Variants in TET2 observed in about 807,000 individuals in gnomAD.
The protein encoded by TET2 is methylcytosine dioxygenase TET2.
A neutral mutation model predicts 142.9 loss-of-function variants in TET2; 299 were observed. That is an observed-to-expected ratio of 2.09 (90% CI 1.90 to 2.30). TET2 has a LOEUF of 2.30. Ranked by LOEUF, TET2 falls within the 30% of genes most tolerant of loss-of-function variation. The pLI is 0.00. For missense variants in TET2, 2,418 were observed against 2,378.0 expected, an observed-to-expected ratio of 1.02 and a Z score of -0.35; for synonymous variants, 819 against 849.0, an observed-to-expected ratio of 0.96 and a Z score of 0.61.
At chr4:105,266,912 C>CAAAG (rs1730706429) in intron 8 of TET2, among the ~76,000 whole-genome samples, 1 of 151,458 alleles carries the variant, frequency 6.6e-6, no homozygotes, top group South Asian at 2.1e-4. Flanking sequence ...GATTAAAAAA[C>CAAAG]AAAGACATAA....
chr4:105,231,861 G>A (rs776850751), intron 2 of TET2, among the ~76,000 whole-genome samples: 3 of 152,064 alleles, frequency 2.0e-5, no homozygotes, highest in Non-Finnish European at 2.9e-5. Context: ...TGAAATCTTC[G>A]TTAGTACTAC....
intron 1 of TET2, among the ~76,000 whole-genome samples, chr4:105,179,007 G>A (rs1724967995): frequency 6.6e-6 from 1 of 152,062 alleles, no homozygotes; most frequent in South Asian, 2.1e-4. Flanking sequence ...AGAAATGAAC[G>A]CAGAAGCAAC....
intron 2 of TET2, among the ~76,000 whole-genome samples, chr4:105,200,602 T>G (rs1336636988): frequency 1.3e-5 from 2 of 152,050 alleles, no homozygotes; most frequent in African/African-American, 2.4e-5. Context: ...TAAGCATATG[T>G]TTAATTTTAA....
In TET2 at chr4:105,272,777, C is replaced by T. The variant is rs890944517; in HGVS notation, c.4396C>T (p.Gln1466Ter). The T allele has an allele frequency of 1.3e-6, 2 of 1,551,576 alleles. No individual in the cohort carries two copies. Among genetic ancestry groups the T allele is most frequent in the Non-Finnish European group, 8.7e-7 (1 of 1,146,956 alleles). Residue 1466 changes from glutamine to a stop codon, truncating the protein, a stop_gained, in exon 10 of 11, where the codon CAA becomes TAA. Coordinates refer to ENST00000380013, the MANE Select transcript of TET2 (RefSeq NM_001127208.3). LOFTEE classifies it high-confidence loss of function. Reference protein sequence around the residue: ...MLAEPVKTCRQRKLEAKKAAA... With the variant: ...MLAEPVKTCR The stretch of plus-strand genomic sequence containing the variant: ...AGCAGAGCCAGTCAAGACTTGCCGA[C>T]AAAGGAAACTAGAAGCCAAGAAAGC...
Position 105,219,532 on chromosome 4 carries a change from G to A in TET2, c.-46-14365G>A, listed in dbSNP as rs556289141. On this transcript the variant is annotated intron_variant, in intron 2 of 10. Transcript: ENST00000380013. ...ACAGAGTTTTTAAATAAAATGCTAG[G>A]TATGTCATGTTTGTTTCACATTAAT... 3.9e-5 allele frequency among the ~76,000 whole-genome samples: 6 copies of A among 152,164 alleles called. No homozygotes were observed. In the East Asian group the frequency reaches 9.7e-4, roughly 24 times the overall value.
At chr4:105,262,351 C>A (rs1451225644) in intron 8 of TET2, among the ~76,000 whole-genome samples, 2 of 148,484 alleles carry the variant, frequency 1.3e-5, no homozygotes, top group Admixed American at 6.7e-5. Flanking sequence ...TGACTTCATA[C>A]ACCAAGCAAA....
chr4:105,231,380 G>T (rs529078230), intron 2 of TET2, among the ~76,000 whole-genome samples: 23 of 152,144 alleles, frequency 1.5e-4, no homozygotes, highest in African/African-American at 5.5e-4. Flanking sequence ...TAGTTTTAAA[G>T]TTATATTAAA....
chr4:105,163,854 A>AGTGTGTGTGT (rs111673454), intron 1 of TET2, among the ~76,000 whole-genome samples: 31 of 85,164 alleles, frequency 3.6e-4, no homozygotes, highest in South Asian at 1.4e-3. Context: ...AGAGAGAGAG[A>AGTGTGTGTGT]GTGTGTGTGT....
intron 2 of TET2, among the ~76,000 whole-genome samples, chr4:105,209,949 G>A (rs1258755548): frequency 6.6e-6 from 1 of 152,086 alleles, no homozygotes. Context: ...GTAAGGACAT[G>A]GATAATTTGT....
chr4:105,275,356 A>G lies in TET2; in HGVS notation c.4846A>G (p.Asn1616Asp), dbSNP rs1436654893. ...ATATTTGAATTCTTCTAATCCCATG[A>G]ACCCTTACCCTGGGCTTTTGAATCA... is the stretch of plus-strand genomic sequence containing the variant. ...GSYLNSSNPM[N>D]PYPGLLNQNT... Residue 1616 changes from asparagine to aspartate, a missense_variant, in exon 11 of 11, where the codon AAC (asparagine) becomes GAC (aspartate). Asn to Asp is a conservative substitution (Grantham distance 23). Coordinates refer to ENST00000380013, the MANE Select transcript of TET2 (RefSeq NM_001127208.3). The G allele has an allele frequency of 6.4e-7, 1 of 1,551,712 alleles. No individual in the cohort carries two copies. Among genetic ancestry groups the G allele is most frequent in the Admixed American group, 2.0e-5 (1 of 51,000 alleles).
Position 105,230,805 on chromosome 4 carries a change from T to G in TET2, c.-46-3092T>G, listed in dbSNP as rs548649759. 6.1e-4 allele frequency among the ~76,000 whole-genome samples: 93 copies of G among 152,318 alleles called. 1 individual carries two copies. In the South Asian group the frequency reaches 0.018, roughly 30 times the overall value. ...TTCCCATCTTTTATGACTTCTAGAT[T>G]TTGTTTCACAAAAAAAGAGCTTAGC... On this transcript the variant is annotated intron_variant, in intron 2 of 10. Transcript: ENST00000380013.
intron 2 of TET2, among the ~76,000 whole-genome samples, chr4:105,230,760 CAT>C (rs1728462572): frequency 6.6e-6 from 1 of 152,090 alleles, no homozygotes; most frequent in Non-Finnish European, 1.5e-5. Context: ...TATTTTGGCA[CAT>C]ATAAATTTTA....
intron 1 of TET2, among the ~76,000 whole-genome samples, chr4:105,165,997 T>C (rs1044703637): frequency 1.3e-5 from 2 of 152,210 alleles, no homozygotes; most frequent in Non-Finnish European, 2.9e-5. Context: ...TGTCAACTCC[T>C]GTATTCCATA....
chr4:105,160,799 CAG>C (rs1451234904), intron 1 of TET2, among the ~76,000 whole-genome samples: 3 of 152,094 alleles, frequency 2.0e-5, no homozygotes, highest in African/African-American at 4.8e-5. Context: ...TTGTTTTTGA[CAG>C]AGTCTCCCTC....
In TET2 at chr4:105,235,439, A is replaced by G. The variant is rs1728801981; in HGVS notation, c.1497A>G (p.Pro499=). Residue 499 remains proline, a synonymous_variant, in exon 3 of 11, where the codon CCA becomes CCG. Transcript: ENST00000380013. ...AGACTGCAGGGACAATGACTGTTCC[A>G]TTGTGTTCTGAGAAAACAAGACCAA... is the stretch of plus-strand genomic sequence containing the variant. ...DIQTAGTMTV[P]LCSEKTRPMS... 9 of 1,614,106 alleles carry G rather than the reference A, an allele frequency of 5.6e-6. No homozygotes were observed. The highest frequency in any genetic ancestry group is 1.3e-5 in the African/African-American group (1 of 74,938).
At chr4:105,204,028 C>T (rs954520697) in intron 2 of TET2, among the ~76,000 whole-genome samples, 7 of 151,704 alleles carry the variant, frequency 4.6e-5, no homozygotes, top group African/African-American at 9.7e-5. Flanking sequence ...TGGCGAAACC[C>T]TCTCTACTAA....
At chr4:105,159,781 C>G (rs571140382) in intron 1 of TET2, among the ~76,000 whole-genome samples, 2 of 152,104 alleles carry the variant, frequency 1.3e-5, no homozygotes, top group Admixed American at 1.3e-4. Flanking sequence ...TTTGGGAGGC[C>G]AAGGCGGGTG....
chr4:105,153,539 G>T (rs1723416672), intron 1 of TET2, among the ~76,000 whole-genome samples: 1 of 152,012 alleles, frequency 6.6e-6, no homozygotes, highest in Non-Finnish European at 1.5e-5. Flanking sequence ...AAGTTGTTTT[G>T]TGACAGTGTA....
At chr4:105,187,698 AT>A (rs2110472936) in intron 1 of TET2, among the ~76,000 whole-genome samples, 1 of 152,282 alleles carries the variant, frequency 6.6e-6, no homozygotes, top group Admixed American at 6.5e-5. Flanking sequence ...CTGTTTGATC[AT>A]TTTATTTCAT....
Sources: gnomAD v4.1 joint callset for allele counts (sites outside exome capture counted in the v4.1 genomes callset) on GRCh38, gnomAD v4.1.1 for gene constraint, MANE v1.5 for transcripts, NCBI Gene and HGNC (gene_info 2026-07-23, HGNC 2026-07-21) for gene names.